The following ITIH2 variants were observed in gnomAD, a reference collection of about 807,000 sequenced individuals.
The protein encoded by ITIH2 is inter-alpha-trypsin inhibitor heavy chain H2.
A neutral mutation model predicts 104.4 loss-of-function variants in ITIH2; 103 were observed. The observed-to-expected ratio is 0.99, with a 90% CI of 0.84 to 1.16. The LOEUF (loss-of-function observed/expected upper bound fraction) is 1.16, where lower values mean the gene tolerates loss of function less well. Among genes scored for constraint, ITIH2 ranks in the 50% most tolerant of loss-of-function variants. The probability of loss-of-function intolerance (pLI) is 0.00; values close to 1 mark genes in which losing one functional copy is unlikely to be tolerated. For missense variants in ITIH2, 1,108 were observed against 1,162.4 expected (o/e 0.95, Z 0.68); for synonymous variants, 436 against 435.4 (o/e 1.00, Z -0.02).
intron 5 of ITIH2, 49 bp from the exon 6 acceptor site, chr10:7,717,577 C>T: frequency 6.4e-7 from 1 of 1,571,352 alleles, no homozygotes; most frequent in Non-Finnish European, 8.7e-7. Context: ...CTGGGTCTTG[C>T]TGCTCAATCA....
intron 17 of ITIH2, among the ~76,000 whole-genome samples, chr10:7,743,543 G>A (rs1268624050): frequency 6.6e-6 from 1 of 152,106 alleles, no homozygotes; most frequent in East Asian, 1.9e-4. Flanking sequence ...GGAGGCCGAG[G>A]TGGGCGGATC....
rs1834715035 is a variant in ITIH2 at position 7,703,412 on chromosome 10, G to T, written c.-23G>T. 3 of 1,588,604 alleles carry T rather than the reference G, an allele frequency of 1.9e-6. No individual in the cohort carries two copies. The South Asian group carries it at 3.3e-5, about 18-fold the overall frequency. Reference sequence around the variant, plus strand: ...CTCCCCAGACCATCTGCTTTGGGGAGCTTGGCAAAACTGTCCAGCAAAATG... The same window carrying T: ...CTCCCCAGACCATCTGCTTTGGGGATCTTGGCAAAACTGTCCAGCAAAATG... On this transcript the variant is annotated 5_prime_UTR_variant, in exon 1 of 21. Transcript: ENST00000358415.
chr10:7,743,891 A>G (rs1383111811), intron 17 of ITIH2, among the ~76,000 whole-genome samples, 191 bp from the exon 18 acceptor site: 3 of 152,044 alleles, frequency 2.0e-5, no homozygotes, highest in Admixed American at 6.5e-5. Context: ...AAATTTTATT[A>G]AAATTTATAA....
chr10:7,709,167 G>C lies in ITIH2; in HGVS notation c.338G>C (p.Gly113Ala), dbSNP rs757737026. ...NVVFDVQIPK[G>A]AFISNFSMTV... ...GTGTTTGATGTTCAGATCCCCAAAG[G>C]AGCATTCATTTCCAACTTCTCCATG... is the stretch of plus-strand genomic sequence containing the variant. The change falls in exon 4 of 21, where the codon GGA (glycine) becomes GCA (alanine). Residue 113 changes from glycine (G) to alanine (A), a missense_variant. Physicochemically the swap from Gly to Ala is moderately conservative, Grantham distance 60 (BLOSUM62 0). Transcript: ENST00000358415. 8 of 1,613,934 alleles carry C rather than the reference G, an allele frequency of 5.0e-6. No homozygotes were observed. Among genetic ancestry groups the C allele is most frequent in the Non-Finnish European group, 6.8e-6 (8 of 1,180,008 alleles).
intron 5 of ITIH2, among the ~76,000 whole-genome samples, chr10:7,714,456 G>C (rs1339166403): frequency 1.3e-5 from 2 of 152,268 alleles, no homozygotes; most frequent in South Asian, 4.1e-4. Context: ...ACAGGCGTGA[G>C]CCACTGTGCC....
chr10:7,740,045 G>C (rs1328890074), intron 16 of ITIH2, among the ~76,000 whole-genome samples: 1 of 152,120 alleles, frequency 6.6e-6, no homozygotes, highest in Admixed American at 6.5e-5. Context: ...AATTAGCCGG[G>C]CATGGTGGCA....
At position 7,738,719 on chromosome 10, in the gene ITIH2, C is replaced by G. The variant is rs1835095873; in HGVS notation, c.2056C>G (p.Gln686Glu). ...PVISMLAQGS[Q>E]VLESTPPPHV... ...GATCTCCATGCTGGCACAAGGATCT[C>G]AGGTGCTAGAGTCCACGCCACCCCC... is the stretch of plus-strand genomic sequence containing the variant. Residue 686 changes from glutamine (Q) to glutamate (E), a missense_variant, in exon 16 of 21, where the codon CAG becomes GAG. Physicochemically the swap from Gln to Glu is conservative, Grantham distance 29. Transcript: ENST00000358415. The G allele has an allele frequency of 1.2e-6, 2 of 1,613,530 alleles. No individual in the cohort carries two copies. The highest frequency in any genetic ancestry group is 1.7e-6 in the Non-Finnish European group (2 of 1,179,798).
intron 20 of ITIH2, among the ~76,000 whole-genome samples, chr10:7,748,235 A>T (rs562644598): frequency 7.2e-4 from 72 of 100,622 alleles, no homozygotes; most frequent in African/African-American, 1.3e-3. Flanking sequence ...TATATAAATA[A>T]ATATATGTAT....
At chr10:7,749,026 C>T (rs946224709) in intron 20 of ITIH2, among the ~76,000 whole-genome samples, 161 bp from the exon 21 acceptor site, 5 of 152,142 alleles carry the variant, frequency 3.3e-5, no homozygotes, top group African/African-American at 1.2e-4. Context: ...CACCAAGCCC[C>T]AGACTTGGTG....
chr10:7,746,744 T>C (rs372998126), intron 20 of ITIH2, 40 bp downstream of exon 20: 16 of 1,298,506 alleles, frequency 1.2e-5, no homozygotes, highest in Non-Finnish European at 1.8e-5. Context: ...AAAGGCCTTG[T>C]GTTAGAATTA....
intron 9 of ITIH2, among the ~76,000 whole-genome samples, chr10:7,724,558 G>A (rs1218184362): frequency 9.1e-4 from 27 of 29,594 alleles, no homozygotes; most frequent in Non-Finnish European, 1.5e-3. Context: ...CAACAAGAGC[G>A]AAACTCCATC....
chr10:7,706,277 C>T (rs1320200499), intron 2 of ITIH2, among the ~76,000 whole-genome samples: 1 of 152,162 alleles, frequency 6.6e-6, no homozygotes, highest in Admixed American at 6.6e-5. Context: ...AGCACAGAAC[C>T]TCAGTTCACC....
At position 7,709,169 on chromosome 10, in the gene ITIH2, G is replaced by T; in HGVS notation, c.340G>T (p.Ala114Ser). 6.2e-7 allele frequency: 1 copy of T among 1,614,118 alleles called. No homozygotes were observed. The highest frequency in any genetic ancestry group is 1.6e-4 in the Middle Eastern group (1 of 6,062). ...GTTTGATGTTCAGATCCCCAAAGGAGCATTCATTTCCAACTTCTCCATGTG... is the reference window on the plus strand; with the variant it reads ...GTTTGATGTTCAGATCCCCAAAGGATCATTCATTTCCAACTTCTCCATGTG... ...VVFDVQIPKG[A>S]FISNFSMTVD... The change falls in exon 4 of 21, where the codon GCA becomes TCA. Residue 114 changes from alanine to serine, a missense_variant. Ala to Ser is a moderately conservative substitution (Grantham distance 99). Transcript: ENST00000358415.
intron 20 of ITIH2, among the ~76,000 whole-genome samples, chr10:7,748,380 C>T (rs1835200634): frequency 2.0e-5 from 3 of 149,614 alleles, no homozygotes; most frequent in Non-Finnish European, 3.0e-5. Context: ...TTTTAAGTCT[C>T]GTTCACGCAG....
intron 14 of ITIH2, among the ~76,000 whole-genome samples, chr10:7,733,789 C>T (rs1208254119): frequency 6.6e-6 from 1 of 152,012 alleles, no homozygotes; most frequent in East Asian, 1.9e-4. Flanking sequence ...ACAGGATTCT[C>T]AGGAAGGTGG....
intron 16 of ITIH2, among the ~76,000 whole-genome samples, chr10:7,739,351 A>C (rs1835102509): frequency 6.6e-6 from 1 of 152,154 alleles, no homozygotes; most frequent in South Asian, 2.1e-4. Context: ...GTAAATTTCA[A>C]CATTCAAAGA....
chr10:7,713,120 G>A (rs889460644), intron 4 of ITIH2, 61 bp from the exon 5 acceptor site: 10 of 1,337,472 alleles, frequency 7.5e-6, no homozygotes, highest in African/African-American at 2.9e-5. Context: ...ACTCCATCTC[G>A]AGGGGAAAAA....
chr10:7,732,090 G>A, intron 13 of ITIH2, 94 bp downstream of exon 13: 2 of 1,043,798 alleles, frequency 1.9e-6, no homozygotes, highest in Admixed American at 2.1e-5. Flanking sequence ...AATCATGGGT[G>A]TAGAACAGAA....
chr10:7,720,156 G>A (rs945555116), intron 6 of ITIH2, among the ~76,000 whole-genome samples: 92 of 151,324 alleles, frequency 6.1e-4, no homozygotes, highest in African/African-American at 2.2e-3. Context: ...GTGGGAGTGG[G>A]GTGAGGGATG....
Sources: gnomAD v4.1 joint callset for allele counts (sites outside exome capture counted in the v4.1 genomes callset) on GRCh38, gnomAD v4.1.1 for gene constraint, MANE v1.5 for transcripts, NCBI Gene and HGNC (gene_info 2026-07-23, HGNC 2026-07-21) for gene names.